The following SNCAIP variants were observed in gnomAD, a reference collection of about 807,000 sequenced individuals.
SNCAIP encodes the protein synuclein alpha interacting protein.
SNCAIP carries 43 observed loss-of-function variants against 86.7 expected under a neutral mutation model. The ratio of observed to expected loss-of-function variants is 0.50; its 90% confidence interval spans 0.39 to 0.64. The LOEUF (loss-of-function observed/expected upper bound fraction) is 0.64. Among genes scored for constraint, SNCAIP ranks in the 30% least tolerant of loss-of-function variants. The pLI, the probability that SNCAIP is intolerant of heterozygous loss-of-function variation, is 0.00. For synonymous variants in SNCAIP, 417 were observed against 427.2 expected (o/e 0.98, Z 0.29); for missense variants, 981 against 1,103.1 (o/e 0.89, Z 1.57).
At chr5:122,457,826 A>G (rs979796937) in intron 10 of SNCAIP, among the ~76,000 whole-genome samples, 3 of 152,226 alleles carry the variant, frequency 2.0e-5, no homozygotes, top group East Asian at 1.9e-4. Flanking sequence ...CAAATGTGCC[A>G]GGTTTTGGGG....
chr5:122,424,452 G>A (rs555767770), intron 4 of SNCAIP, among the ~76,000 whole-genome samples: 9 of 152,224 alleles, frequency 5.9e-5, no homozygotes, highest in African/African-American at 1.2e-4. Flanking sequence ...GCCTGGGCTC[G>A]TACTATGATG....
At chr5:122,376,069 G>C (rs759333471) in intron 1 of SNCAIP, among the ~76,000 whole-genome samples, 2 of 152,128 alleles carry the variant, frequency 1.3e-5, no homozygotes, top group Non-Finnish European at 2.9e-5. Flanking sequence ...TTGACCTATT[G>C]AATCAGCAAG....
In SNCAIP at chr5:122,423,634, T is replaced by C. The variant is rs770426604; in HGVS notation, c.897T>C (p.Ser299=). ...AATCCAAACCAGAAGAGCAGGTCAG[T>C]GGCCTAAACCGGACCAGCTCCCAAG... ...AAESKPEEQV[S]GLNRTSSQGP... The change falls in exon 4 of 11, where the codon AGT becomes AGC. Residue 299 remains serine (S), a synonymous_variant. Coordinates refer to ENST00000261368, the MANE Select transcript of SNCAIP (RefSeq NM_005460.4). 6.2e-7 allele frequency: 1 copy of C among 1,613,460 alleles called. No individual in the cohort carries two copies. Among genetic ancestry groups the C allele is most frequent in the Non-Finnish European group, 8.5e-7 (1 of 1,180,002 alleles).
intron 1 of SNCAIP, among the ~76,000 whole-genome samples, chr5:122,319,231 A>T (rs1193530884): frequency 2.9e-5 from 4 of 139,254 alleles, no homozygotes; most frequent in South Asian, 4.5e-4. Flanking sequence ...TCAATCCTAT[A>T]AAAAAAAAAA....
chr5:122,433,017 C>G (rs1242199203), intron 6 of SNCAIP, among the ~76,000 whole-genome samples: 1 of 151,962 alleles, frequency 6.6e-6, no homozygotes, highest in Non-Finnish European at 1.5e-5. Flanking sequence ...AAGACAATCT[C>G]AAGTTCAAAA....
chr5:122,372,763 A>G (rs1040120091), intron 1 of SNCAIP, among the ~76,000 whole-genome samples: 6 of 152,042 alleles, frequency 3.9e-5, no homozygotes, highest in African/African-American at 1.4e-4. Flanking sequence ...CATAATCCCC[A>G]TGTTTATAAA....
chr5:122,315,914 G>A (rs910976602), intron 1 of SNCAIP, among the ~76,000 whole-genome samples: 1 of 152,060 alleles, frequency 6.6e-6, no homozygotes, highest in Non-Finnish European at 1.5e-5. Context: ...CTGATTATAG[G>A]GGGTTAGTAA....
At position 122,316,770 on chromosome 5, in the gene SNCAIP, AG is replaced by A. The variant is rs545187726; in HGVS notation, c.-47+4488del. Among the ~76,000 whole-genome samples, 297 of 152,332 alleles carry A rather than the reference AG, an allele frequency of 1.9e-3. 2 individuals are homozygous for A. The highest frequency in any genetic ancestry group is 2.2e-3 in the Non-Finnish European group (148 of 68,038). On this transcript the variant is annotated intron_variant, in intron 1 of 10. Coordinates refer to ENST00000261368, the MANE Select transcript of SNCAIP (RefSeq NM_005460.4). ...TGCCTTTCACCTAAAAGCTCATGCAAGGTGCTGTTTCTTCAGCCTCATTTTA... is the reference window on the plus strand; with the variant it reads ...TGCCTTTCACCTAAAAGCTCATGCAAGTGCTGTTTCTTCAGCCTCATTTTA...
chr5:122,438,347 G>A (rs958362916), intron 6 of SNCAIP, among the ~76,000 whole-genome samples: 2 of 152,126 alleles, frequency 1.3e-5, no homozygotes, highest in Non-Finnish European at 2.9e-5. Context: ...TGTCTCAGTT[G>A]TCCCACCATG....
intron 1 of SNCAIP, among the ~76,000 whole-genome samples, chr5:122,333,979 A>G (rs1033781800): frequency 3.9e-5 from 6 of 152,162 alleles, no homozygotes; most frequent in Non-Finnish European, 5.9e-5. Context: ...GATGGAGGCT[A>G]CAAGAAAGAA....
intron 1 of SNCAIP, among the ~76,000 whole-genome samples, chr5:122,322,682 A>G (rs1361233268): frequency 2.6e-5 from 4 of 152,234 alleles, no homozygotes; most frequent in African/African-American, 9.6e-5. Context: ...ATTCCTCAAA[A>G]AAGATATTTG....
At chr5:122,388,329 A>G (rs1381195451) in intron 1 of SNCAIP, among the ~76,000 whole-genome samples, 1 of 152,030 alleles carries the variant, frequency 6.6e-6, no homozygotes, top group Non-Finnish European at 1.5e-5. Context: ...GATTCAGCTC[A>G]CAGGCCTCCA....
chr5:122,353,770 A>G (rs1580617457), intron 1 of SNCAIP, among the ~76,000 whole-genome samples: 1 of 152,116 alleles, frequency 6.6e-6, no homozygotes, highest in African/African-American at 2.4e-5. Flanking sequence ...GTGGAACTGT[A>G]AGTCCATTAA....
chr5:122,456,440 C>T (rs998047064), intron 10 of SNCAIP, among the ~76,000 whole-genome samples: 6 of 152,118 alleles, frequency 3.9e-5, no homozygotes, highest in East Asian at 1.9e-4. Flanking sequence ...CATTCCCCCA[C>T]CCCTAACACA....
At position 122,391,102 on chromosome 5, in the gene SNCAIP, T is replaced by C. The variant is rs915877450; in HGVS notation, c.-33T>C. 1.9e-6 allele frequency: 3 copies of C among 1,574,016 alleles called. No homozygotes were observed. Among genetic ancestry groups the C allele is most frequent in the Admixed American group, 1.7e-5 (1 of 59,960 alleles). ...TGTCTCGTTCAGGAATTTATAAGTA[T>C]TTGACCGTACTCAAAATGTGCAAGG... On this transcript the variant is annotated 5_prime_UTR_variant, in exon 2 of 11. Coordinates refer to ENST00000261368, the MANE Select transcript of SNCAIP (RefSeq NM_005460.4).
intron 5 of SNCAIP, among the ~76,000 whole-genome samples, 182 bp downstream of exon 5, chr5:122,425,713 AT>A (rs1777235459): frequency 6.6e-6 from 1 of 152,208 alleles, no homozygotes; most frequent in Non-Finnish European, 1.5e-5. Flanking sequence ...TTGAGACTTA[AT>A]TCCCAGTTTT....
intron 10 of SNCAIP, among the ~76,000 whole-genome samples, chr5:122,456,310 A>T (rs1784744637): frequency 2.0e-5 from 3 of 152,276 alleles, no homozygotes. Context: ...TTTTGCATAG[A>T]TCTTAAGGTT....
intron 1 of SNCAIP, among the ~76,000 whole-genome samples, chr5:122,377,014 GC>G (rs1765462983): frequency 6.6e-6 from 1 of 152,130 alleles, no homozygotes; most frequent in Non-Finnish European, 1.5e-5. Context: ...TCACAAAGCA[GC>G]CCATTCCATT....
In SNCAIP at chr5:122,454,090, C is replaced by T. The variant is rs114760366; in HGVS notation, c.2754+2489C>T. Among the ~76,000 whole-genome samples, 1,086 of 152,260 alleles carry T rather than the reference C, an allele frequency of 7.1e-3. 15 individuals carry two copies. Among genetic ancestry groups the T allele is most frequent in the African/African-American group, 0.025 (1,039 of 41,554 alleles). ...GACTATCACTTTTTAAATATTTAAA[C>T]GAATTGAAAAATTATAACATGCCAT... On this transcript the variant is annotated intron_variant, in intron 10 of 10. Coordinates refer to ENST00000261368, the MANE Select transcript of SNCAIP (RefSeq NM_005460.4).
Sources: gnomAD v4.1 joint callset for allele counts (sites outside exome capture counted in the v4.1 genomes callset) on GRCh38, gnomAD v4.1.1 for gene constraint, MANE v1.5 for transcripts, NCBI Gene and HGNC (gene_info 2026-07-23, HGNC 2026-07-21) for gene names.